The following SYTL5 variants were observed in gnomAD, a reference collection of about 807,000 sequenced individuals.
SYTL5 encodes the protein synaptotagmin like 5, also known as synaptotagmin-like protein 5.
SYTL5 carries 34 observed loss-of-function variants against 55.9 expected under a neutral mutation model. That is an observed-to-expected ratio of 0.61 (90% CI 0.46 to 0.81). SYTL5 has a LOEUF of 0.81. SYTL5 is among the 30% of genes least tolerant of loss of function. The probability of loss-of-function intolerance (pLI) is 0.00; values close to 1 mark genes in which losing one functional copy is unlikely to be tolerated. For missense variants in SYTL5, 637 were observed against 546.7 expected (o/e 1.17, Z -1.65); for synonymous variants, 221 against 188.7 (o/e 1.17, Z -1.40).
the SYTL5 span, among the ~76,000 whole-genome samples, chrX:37,952,675 T>C: frequency 2.5e-3 from 275 of 110,798 alleles, 3 homozygotes; most frequent in East Asian, 0.06. Context: ...CTTATTGTTA[T>C]TGTGAGTGAT....
intron 15 of SYTL5, among the ~76,000 whole-genome samples, chrX:38,124,703 G>C (rs1346371538): frequency 8.9e-6 from 1 of 111,989 alleles, no homozygotes; most frequent in Admixed American, 9.5e-5. Context: ...TGGGCAACTG[G>C]AGCATGATTC....
At chrX:38,040,036 G>A (rs1336119790) in intron 2 of SYTL5, among the ~76,000 whole-genome samples, 1 of 110,468 alleles carries the variant, frequency 9.1e-6, no homozygotes, top group South Asian at 3.9e-4. Flanking sequence ...TTACCCGGGC[G>A]TGGTGGCATG....
chrX:38,012,888 G>A (rs1439996690), intron 1 of SYTL5, among the ~76,000 whole-genome samples: 1 of 111,624 alleles, frequency 9.0e-6, no homozygotes, highest in Non-Finnish European at 1.9e-5. Flanking sequence ...AGATGTCTGT[G>A]GCCACAAACA....
At chrX:37,889,265 C>T in the SYTL5 span, among the ~76,000 whole-genome samples, 1 of 111,970 alleles carries the variant, frequency 8.9e-6, no homozygotes, top group Non-Finnish European at 1.9e-5. Context: ...TCATTAGGCT[C>T]TATGAGACTT....
the SYTL5 span, among the ~76,000 whole-genome samples, chrX:37,928,237 C>A: frequency 1.8e-5 from 2 of 111,628 alleles, no homozygotes; most frequent in African/African-American, 6.5e-5. Context: ...AAGTGGTTGC[C>A]ATTAAGAAAA....
chrX:38,070,547 G>T (rs757312835), intron 3 of SYTL5, among the ~76,000 whole-genome samples: 1 of 110,448 alleles, frequency 9.1e-6, no homozygotes, highest in Non-Finnish European at 1.9e-5. Context: ...CATATATTTA[G>T]CCAGAGATTA....
chrX:37,980,237 T>A, the SYTL5 span, among the ~76,000 whole-genome samples: 1 of 112,011 alleles, frequency 8.9e-6, no homozygotes, highest in Non-Finnish European at 1.9e-5. Flanking sequence ...CATGGAAGTG[T>A]TTTCATGCAC....
chrX:38,118,119 G>C (rs1432252601), intron 13 of SYTL5, among the ~76,000 whole-genome samples: 6 of 111,657 alleles, frequency 5.4e-5, no homozygotes, highest in Non-Finnish European at 3.8e-5. Flanking sequence ...AAAAAGAAGA[G>C]TCCAGTTACA....
intron 1 of SYTL5, among the ~76,000 whole-genome samples, chrX:38,028,065 C>G (rs1202978985): frequency 9.0e-6 from 1 of 111,359 alleles, no homozygotes; most frequent in Non-Finnish European, 1.9e-5. Flanking sequence ...ACCTTGTGAT[C>G]TGCCCACCTC....
chrX:38,080,944 A>C (rs1936516827), intron 6 of SYTL5, among the ~76,000 whole-genome samples: 1 of 111,900 alleles, frequency 8.9e-6, no homozygotes, highest in Admixed American at 9.5e-5. Context: ...GTATTAGATA[A>C]AACATTACAT....
rs746468384 is a variant in SYTL5, at chrX:38,028,813, T to G, written c.-356-4721T>G. On this transcript the variant is annotated intron_variant, in intron 1 of 16. Coordinates refer to ENST00000297875, the MANE Select transcript of SYTL5 (RefSeq NM_138780.3). ...CTATAAACCACCTTTTAAATAGGAT[T>G]AAAATAAGACAACAACTGTTGGTGG... Among the ~76,000 whole-genome samples, 7 of 111,967 alleles carry G rather than the reference T, an allele frequency of 6.3e-5. No individual in the cohort carries two copies. In the South Asian group the frequency reaches 2.7e-3, roughly 42 times the overall value.
chrX:38,026,101 G>C (rs777738913), intron 1 of SYTL5, among the ~76,000 whole-genome samples: 1 of 112,577 alleles, frequency 8.9e-6, no homozygotes, highest in South Asian at 3.7e-4. Flanking sequence ...TTCTCAGAAT[G>C]AGGCTCCATC....
At chrX:37,958,698 G>A in the SYTL5 span, among the ~76,000 whole-genome samples, 1 of 112,141 alleles carries the variant, frequency 8.9e-6, no homozygotes, top group Non-Finnish European at 1.9e-5. Flanking sequence ...ATCTGAATCA[G>A]ATATAGATGA....
Position 38,121,048 on chromosome X carries a change from C to T in SYTL5, c.1705+582C>T, listed in dbSNP as rs184850705. 1.4e-3 allele frequency among the ~76,000 whole-genome samples: 151 copies of T among 111,474 alleles called. 1 individual carries two copies. The highest frequency in any genetic ancestry group is 4.6e-3 in the African/African-American group (142 of 30,640). ...CTGTGTCTGAGGAGGCCTCAGGAAG[C>T]TTACAATTATGGCAGAAGGTGAAGG... On this transcript the variant is annotated intron_variant, in intron 14 of 16. Transcript: ENST00000297875.
At chrX:37,916,508 C>T in the SYTL5 span, among the ~76,000 whole-genome samples, 2 of 111,897 alleles carry the variant, frequency 1.8e-5, no homozygotes, top group African/African-American at 3.2e-5. Context: ...CACTACTGAG[C>T]TATATAGATC....
intron 3 of SYTL5, among the ~76,000 whole-genome samples, chrX:38,067,840 A>G (rs1936141328): frequency 8.9e-6 from 1 of 112,139 alleles, no homozygotes; most frequent in South Asian, 3.7e-4. Context: ...AAATTCTAGA[A>G]GAAAACCAAG....
chrX:37,993,967 G>A, the SYTL5 span, among the ~76,000 whole-genome samples: 1 of 112,118 alleles, frequency 8.9e-6, no homozygotes, highest in Admixed American at 9.4e-5. Context: ...GGGCAACCAG[G>A]TTCCTCTCAA....
intron 2 of SYTL5, among the ~76,000 whole-genome samples, chrX:38,047,479 G>C (rs2147269311): frequency 8.9e-6 from 1 of 112,809 alleles, no homozygotes; most frequent in African/African-American, 3.2e-5. Context: ...TGAGATGCAG[G>C]GCACCAAGTC....
the SYTL5 span, among the ~76,000 whole-genome samples, chrX:37,998,131 A>G: frequency 8.9e-5 from 10 of 112,262 alleles, no homozygotes; most frequent in Admixed American, 7.5e-4. Context: ...AGACTAAGCT[A>G]TTCTATTGCT....
Sources: gnomAD v4.1 joint callset for allele counts (sites outside exome capture counted in the v4.1 genomes callset) on GRCh38, gnomAD v4.1.1 for gene constraint, MANE v1.5 for transcripts, NCBI Gene and HGNC (gene_info 2026-07-23, HGNC 2026-07-21) for gene names.